CLCN3: variants seen among roughly 807,000 people sequenced by gnomAD.
CLCN3 encodes the protein Cl-/H+ antiporter 3.
In CLCN3, 16 loss-of-function variants were observed where a neutral mutation model predicts 83.4. The observed-to-expected ratio is 0.19, with a 90% CI of 0.13 to 0.29. The LOEUF (loss-of-function observed/expected upper bound fraction) is 0.29. Among genes scored for constraint, CLCN3 ranks in the 10% least tolerant of loss-of-function variants. The probability of loss-of-function intolerance (pLI) is 1.00; values close to 1 mark genes in which losing one functional copy is unlikely to be tolerated. For missense variants in CLCN3, 544 were observed against 1,006.0 expected (o/e 0.54, Z 6.21); for synonymous variants, 322 against 346.2 (o/e 0.93, Z 0.78).
chr4:169,653,142 G>A (rs538909440), intron 2 of CLCN3, among the ~76,000 whole-genome samples: 2 of 152,114 alleles, frequency 1.3e-5, no homozygotes, highest in Non-Finnish European at 2.9e-5. Flanking sequence ...TTTAAAAAAC[G>A]TCCCTACCCT....
In CLCN3 at chr4:169,720,911, C is replaced by G. The variant is rs1316956445; in HGVS notation, c.*914C>G. On this transcript the variant is annotated 3_prime_UTR_variant, in exon 13 of 13. Transcript: ENST00000513761. ...TGTGACCGGGTCTTATGCAAATTTT[C>G]TATTTCTAAAACTACTACTATGATA... The G allele has an allele frequency of 6.6e-6, 1 of 152,596 alleles. No individual in the cohort carries two copies. The highest frequency in any genetic ancestry group is 1.5e-5 in the Non-Finnish European group (1 of 68,024). 9.5% of individuals were successfully genotyped at this position (152,596 alleles called of 1,614,324 possible).
At chr4:169,700,031 C>T (rs1028235622) in intron 9 of CLCN3, among the ~76,000 whole-genome samples, 1 of 152,140 alleles carries the variant, frequency 6.6e-6, no homozygotes, top group African/African-American at 2.4e-5. Context: ...TTCTCACAGT[C>T]AGTTGAACTA....
chr4:169,679,353 C>T (rs1731830112), intron 2 of CLCN3, among the ~76,000 whole-genome samples: 2 of 150,214 alleles, frequency 1.3e-5, no homozygotes, highest in Non-Finnish European at 3.0e-5. Flanking sequence ...AAGAGGCGCT[C>T]CTCACTTCCT....
At chr4:169,717,755 T>C in intron 12 of CLCN3, 1 of 1,335,418 alleles carries the variant, frequency 7.5e-7, no homozygotes, top group Non-Finnish European at 1.1e-6. Context: ...TTTAATTTAA[T>C]TTCTCACACA....
intron 9 of CLCN3, 146 bp downstream of exon 9, chr4:169,697,880 T>C (rs900244425): frequency 6.3e-5 from 40 of 635,698 alleles, no homozygotes; most frequent in Non-Finnish European, 9.2e-5. Context: ...AGATAATTCC[T>C]TAGCATATAT....
At chr4:169,705,411 T>A (rs978946848) in intron 10 of CLCN3, among the ~76,000 whole-genome samples, 3 of 152,188 alleles carry the variant, frequency 2.0e-5, no homozygotes, top group African/African-American at 7.2e-5. Context: ...TTGGTCAGAT[T>A]TATGGCAGTC....
chr4:169,655,427 T>G (rs570516742), intron 2 of CLCN3, among the ~76,000 whole-genome samples: 6 of 152,340 alleles, frequency 3.9e-5, no homozygotes, highest in African/African-American at 1.4e-4. Flanking sequence ...TCAAAAGGAA[T>G]TGTTTAGGCA....
intron 3 of CLCN3, among the ~76,000 whole-genome samples, chr4:169,685,334 G>C (rs556439686): frequency 1.3e-5 from 2 of 152,018 alleles, no homozygotes; most frequent in African/African-American, 4.8e-5. Context: ...AACAAAACAG[G>C]CATGTTCAAA....
chr4:169,688,793 T>C (rs1732257330), intron 4 of CLCN3, among the ~76,000 whole-genome samples: 1 of 152,232 alleles, frequency 6.6e-6, no homozygotes, highest in Non-Finnish European at 1.5e-5. Flanking sequence ...CTTTTAAACA[T>C]TGTTTTTCAG....
At chr4:169,711,775 C>T (rs1181164589) in intron 11 of CLCN3, among the ~76,000 whole-genome samples, 1 of 152,182 alleles carries the variant, frequency 6.6e-6, no homozygotes, top group East Asian at 1.9e-4. Flanking sequence ...AAAAGCAGTG[C>T]AGTGTTTGCA....
At chr4:169,710,161 T>G (rs1733154180) in intron 11 of CLCN3, among the ~76,000 whole-genome samples, 1 of 152,230 alleles carries the variant, frequency 6.6e-6, no homozygotes, top group Admixed American at 6.5e-5. Flanking sequence ...ATGTATATAT[T>G]GTGGAATGGT....
rs370842329 is a variant in CLCN3, at chr4:169,623,671, C to T, written c.-17+2608C>T. Among the ~76,000 whole-genome samples, 31 of 152,202 alleles carry T rather than the reference C, an allele frequency of 2.0e-4. No homozygotes were observed. The East Asian group carries it at 4.4e-3, about 22-fold the overall frequency. ...AACCTCTCTCCTTTCCTTTTTCCCC[C>T]TTCTCCCTAGCCTTTGTAGACCACC... On this transcript the variant is annotated intron_variant, in intron 1 of 12. Transcript: ENST00000513761.
rs115783050 is a variant in CLCN3, at chr4:169,679,893, C to T, written c.161-157C>T. Reference sequence around the variant, plus strand: ...GACCGTGGAAGGCGGGAGTCGGAGACGAGGGAGAGGGGGAGACCGTGGAAA... The same window carrying T: ...GACCGTGGAAGGCGGGAGTCGGAGATGAGGGAGAGGGGGAGACCGTGGAAA... On this transcript the variant is annotated intron_variant, in intron 2 of 12. Transcript: ENST00000513761. Among the ~76,000 whole-genome samples, 924 of 121,482 alleles carry T rather than the reference C, an allele frequency of 7.6e-3. 7 individuals are homozygous for T. Among genetic ancestry groups the T allele is most frequent in the African/African-American group, 0.025 (888 of 36,040 alleles). The allele number at this position is 121,482 out of a possible 152,430, so 79.7% of individuals were successfully genotyped here.
intron 8 of CLCN3, 50 bp downstream of exon 8, chr4:169,695,742 A>C (rs377626016): frequency 9.2e-5 from 114 of 1,243,632 alleles, no homozygotes; most frequent in Admixed American, 2.0e-4. Context: ...TACCATTACA[A>C]ATATATTTCA....
chr4:169,679,871 CGTGG>C, intron 2 of CLCN3, among the ~76,000 whole-genome samples, 175 bp from the exon 3 acceptor site: 3 of 121,378 alleles, frequency 2.5e-5, no homozygotes, highest in Non-Finnish European at 5.8e-5. Context: ...AGAGGGAGAC[CGTGG>C]AAGGCGGGAG....
rs117025901 is a variant in CLCN3, at chr4:169,640,566, G to A, written c.160+4478G>A. Among the ~76,000 whole-genome samples, 19 of 152,258 alleles carry A rather than the reference G, an allele frequency of 1.2e-4. No individual in the cohort carries two copies. In the East Asian group the frequency reaches 3.7e-3, roughly 29 times the overall value. On this transcript the variant is annotated intron_variant, in intron 2 of 12. Transcript: ENST00000513761. The stretch of plus-strand genomic sequence containing the variant: ...AAAGCTGAAAAAGTAGGCCTGAAAT[G>A]TGTTTATATTAGGTATATCTAATTT...
At chr4:169,692,931 T>C (rs1295700298) in intron 7 of CLCN3, among the ~76,000 whole-genome samples, 1 of 152,198 alleles carries the variant, frequency 6.6e-6, no homozygotes, top group Non-Finnish European at 1.5e-5. Flanking sequence ...CTTATATATA[T>C]TATGGATTTC....
At chr4:169,700,129 T>C (rs1476932440) in intron 9 of CLCN3, among the ~76,000 whole-genome samples, 2 of 152,230 alleles carry the variant, frequency 1.3e-5, no homozygotes, top group African/African-American at 4.8e-5. Context: ...CAAGAGAGTG[T>C]AAAACACACT....
intron 9 of CLCN3, among the ~76,000 whole-genome samples, chr4:169,698,003 A>T (rs1034922771): frequency 1.3e-5 from 2 of 152,208 alleles, no homozygotes; most frequent in Admixed American, 1.3e-4. Flanking sequence ...GAAGGGCTCA[A>T]CTGGGCAATT....
Sources: allele counts gnomAD v4.1 joint callset (sites outside exome capture counted in the v4.1 genomes callset), GRCh38; gene constraint gnomAD v4.1.1; transcripts MANE v1.5; gene names NCBI Gene and HGNC (gene_info 2026-07-23, HGNC 2026-07-21).